The following VPS33A variants were observed in gnomAD, a reference collection of about 807,000 sequenced individuals.
VPS33A encodes vacuolar protein sorting-associated protein 33A.
VPS33A carries 32 observed loss-of-function variants against 71.8 expected under a neutral mutation model. The ratio of observed to expected loss-of-function variants is 0.45; its 90% confidence interval spans 0.34 to 0.60. VPS33A has a LOEUF of 0.60. VPS33A is among the 20% of genes least tolerant of loss of function. The pLI is 0.02. For missense variants in VPS33A, 625 were observed against 748.5 expected, an observed-to-expected ratio of 0.84 and a Z score of 1.92; for synonymous variants, 311 against 292.7, an observed-to-expected ratio of 1.06 and a Z score of -0.64.
At chr12:122,245,236 G>C (rs887448142) in intron 6 of VPS33A, among the ~76,000 whole-genome samples, 1 of 152,032 alleles carries the variant, frequency 6.6e-6, no homozygotes, top group Non-Finnish European at 1.5e-5. Context: ...CACGCTGTTA[G>C]AGAAGCTAGT....
intron 8 of VPS33A, 22 bp downstream of exon 8, chr12:122,242,360 A>G: frequency 6.2e-7 from 1 of 1,604,006 alleles, no homozygotes; most frequent in Non-Finnish European, 8.5e-7. Flanking sequence ...AGACTGAAAC[A>G]ATCATTACAA....
At chr12:122,257,742 A>T (rs1025693806) in intron 4 of VPS33A, among the ~76,000 whole-genome samples, 3 of 152,160 alleles carry the variant, frequency 2.0e-5, no homozygotes, top group Non-Finnish European at 2.9e-5. Context: ...GCACAATCTA[A>T]AAGAACAAAA....
At position 122,232,380 on chromosome 12, in the gene VPS33A, C is replaced by T. The variant is rs747688161; in HGVS notation, c.1657G>A (p.Val553Ile). 6 of 1,613,948 alleles carry T rather than the reference C, an allele frequency of 3.7e-6. No homozygotes were observed. Among genetic ancestry groups the T allele is most frequent in the African/African-American group, 1.3e-5 (1 of 74,904 alleles). ...AGGGCAGCAATTTCAGCGAAGGTTA[C>T]GCCCCCAAGGAAAAATATCAGAGTC... ...RVTLIFFLGGVTFAEIAALRF... is the reference protein window; with the variant it reads ...RVTLIFFLGGITFAEIAALRF... Residue 553 changes from valine (V) to isoleucine (I), a missense_variant, in exon 13 of 13, where the codon GTA (valine) becomes ATA (isoleucine). Transcript: ENST00000267199.
chr12:122,245,347 T>C (rs534830987), intron 6 of VPS33A, among the ~76,000 whole-genome samples: 2 of 152,068 alleles, frequency 1.3e-5, no homozygotes, highest in Non-Finnish European at 2.9e-5. Context: ...ATAAAATACA[T>C]TTCTTACTGT....
intron 8 of VPS33A, 34 bp from the exon 9 acceptor site, chr12:122,239,979 A>ATT (rs1282555337): frequency 6.6e-7 from 1 of 1,505,890 alleles, no homozygotes; most frequent in East Asian, 2.3e-5. Context: ...CAACTTAGAA[A>ATT]TTAAATGTTA....
chr12:122,252,133 CTG>C (rs57752153), intron 4 of VPS33A, among the ~76,000 whole-genome samples: 13,184 of 151,882 alleles, frequency 0.087, 1,864 homozygotes, highest in African/African-American at 0.3. Context: ...TAGCATGCAT[CTG>C]TATCTGAGCT....
At chr12:122,262,989 CTCTT>C (rs1417592644) in intron 3 of VPS33A, among the ~76,000 whole-genome samples, 1 of 145,864 alleles carries the variant, frequency 6.9e-6, no homozygotes, top group Non-Finnish European at 1.5e-5. Flanking sequence ...TCCAATTACA[CTCTT>C]TTTTTTTTTT....
intron 11 of VPS33A, among the ~76,000 whole-genome samples, chr12:122,234,403 C>T (rs532799316): frequency 2.0e-5 from 3 of 152,266 alleles, no homozygotes; most frequent in African/African-American, 7.2e-5. Context: ...CCCACCTCAG[C>T]CTTCTGAGTA....
rs552575531 is a variant in VPS33A at position 122,249,078 on chromosome 12, C to T, written c.775+793G>A. ...CACCTCCAGTTATTTCCAGTTTTTACGGTATTCTTAGTTATTTTTTATAAA... is the reference window on the plus strand; with the variant it reads ...CACCTCCAGTTATTTCCAGTTTTTATGGTATTCTTAGTTATTTTTTATAAA... On this transcript the variant is annotated intron_variant, in intron 6 of 12. Transcript: ENST00000267199. 2.7e-4 allele frequency: 41 copies of T among 152,174 alleles called. 1 individual carries two copies. In the East Asian group the frequency reaches 2.9e-3, roughly 11 times the overall value. 9.4% of individuals were successfully genotyped at this position (152,174 alleles called of 1,614,324 possible).
At chr12:122,240,311 G>A (rs2136128160) in intron 8 of VPS33A, among the ~76,000 whole-genome samples, 1 of 152,278 alleles carries the variant, frequency 6.6e-6, no homozygotes, top group African/African-American at 2.4e-5. Flanking sequence ...CTGGGCAACA[G>A]AGCGAGACTC....
chr12:122,237,538 T>TC (rs1037179638), intron 10 of VPS33A, among the ~76,000 whole-genome samples: 1 of 140,054 alleles, frequency 7.1e-6, no homozygotes. Context: ...GTTTTTCTTT[T>TC]TTTTTTTTTT....
intron 4 of VPS33A, among the ~76,000 whole-genome samples, chr12:122,251,579 G>A (rs1954844186): frequency 6.6e-6 from 1 of 152,102 alleles, no homozygotes; most frequent in Admixed American, 6.6e-5. Context: ...ACTGACAACT[G>A]AAGGCCACAA....
chr12:122,234,340 C>A (rs757148574), intron 11 of VPS33A, among the ~76,000 whole-genome samples: 1 of 152,060 alleles, frequency 6.6e-6, no homozygotes. Flanking sequence ...TGCAGCAGTG[C>A]AATCTCAGCT....
At position 122,247,919 on chromosome 12, in the gene VPS33A, C is replaced by T. The variant is rs544774611; in HGVS notation, c.775+1952G>A. Among the ~76,000 whole-genome samples, 3 of 152,034 alleles carry T rather than the reference C, an allele frequency of 2.0e-5. No homozygotes were observed. The South Asian group carries it at 6.3e-4, about 32-fold the overall frequency. On this transcript the variant is annotated intron_variant, in intron 6 of 12. Transcript: ENST00000267199. ...CACCTATTTTATTATTTTTTTGAGACAAAGTCTCACTCTGTCACCCGGGCT... is the reference window on the plus strand; with the variant it reads ...CACCTATTTTATTATTTTTTTGAGATAAAGTCTCACTCTGTCACCCGGGCT...
At chr12:122,233,085 A>C (rs1593191882) in intron 11 of VPS33A, 117 bp from the exon 12 acceptor site, 3 of 1,145,278 alleles carry the variant, frequency 2.6e-6, no homozygotes. Flanking sequence ...TACAACCCCC[A>C]CCCCTGCCAT....
chr12:122,242,353 C>A lies in VPS33A; in HGVS notation c.1096+29G>T, dbSNP rs758750958. On this transcript the variant is annotated intron_variant, in intron 8 of 12. Coordinates refer to ENST00000267199, the MANE Select transcript of VPS33A (RefSeq NM_022916.6). ...CGTTGTATGTGCAAGTAGCCCCAGA[C>A]TGAAACAATCATTACAAAGGATACT... The A allele has an allele frequency of 3.1e-6, 5 of 1,601,352 alleles. No individual in the cohort carries two copies. The South Asian group carries it at 4.4e-5, about 14-fold the overall frequency.
chr12:122,265,803 G>C (rs1344876417), intron 1 of VPS33A: 1 of 432,420 alleles, frequency 2.3e-6, no homozygotes, highest in African/African-American at 2.0e-5. Flanking sequence ...ACTCCCTTGT[G>C]AAAAGGGTGC....
Position 122,266,489 on chromosome 12 carries a change from C to A in VPS33A, c.-81G>T. 6.5e-7 allele frequency: 1 copy of A among 1,545,090 alleles called. No homozygotes were observed. Among genetic ancestry groups the A allele is most frequent in the East Asian group, 2.4e-5 (1 of 41,308 alleles). ...GAGGACCACGGACGCAGTCACGTGA[C>A]CAAACGTCCACGTGACCGGTACGGC... On this transcript the variant is annotated 5_prime_UTR_variant, in exon 1 of 13. Coordinates refer to ENST00000267199, the MANE Select transcript of VPS33A (RefSeq NM_022916.6).
chr12:122,251,778 G>A (rs925467976), intron 4 of VPS33A, among the ~76,000 whole-genome samples: 1 of 151,944 alleles, frequency 6.6e-6, no homozygotes, highest in African/African-American at 2.4e-5. Flanking sequence ...CTGTCGTGGG[G>A]TGGGGGAAGG....
Sources: allele counts gnomAD v4.1 joint callset (sites outside exome capture counted in the v4.1 genomes callset), GRCh38; gene constraint gnomAD v4.1.1; transcripts MANE v1.5; gene names NCBI Gene and HGNC (gene_info 2026-07-23, HGNC 2026-07-21).